The following TGFBR3 variants were observed in gnomAD, a reference collection of about 807,000 sequenced individuals.
TGFBR3 encodes the protein transforming growth factor beta receptor 3.
Under a neutral mutation model 87.9 loss-of-function variants are expected in TGFBR3, and 46 were observed. The ratio of observed to expected loss-of-function variants is 0.52; its 90% CI spans 0.41 to 0.67. The LOEUF is 0.67. Among genes scored for constraint, TGFBR3 ranks in the 30% least tolerant of loss-of-function variants. The probability of loss-of-function intolerance (pLI) is 0.00; values close to 1 mark genes in which losing one functional copy is unlikely to be tolerated. For missense variants in TGFBR3, 866 were observed against 1,041.9 expected (o/e 0.83, Z 2.32); for synonymous variants, 381 against 391.6 (o/e 0.97, Z 0.32).
intron 2 of TGFBR3, among the ~76,000 whole-genome samples, chr1:91,845,988 T>G (rs917834332): frequency 2.6e-5 from 4 of 152,198 alleles, no homozygotes; most frequent in African/African-American, 9.7e-5. Context: ...ATTGTGTTTC[T>G]CTCACAAAAC....
chr1:91,829,374 G>A (rs1676768456), intron 2 of TGFBR3, among the ~76,000 whole-genome samples: 1 of 147,568 alleles, frequency 6.8e-6, no homozygotes, highest in Non-Finnish European at 1.5e-5. Context: ...AGACTCGAAG[G>A]TCTTCAAAAA....
At chr1:91,865,709 G>A (rs554965195) in intron 1 of TGFBR3, among the ~76,000 whole-genome samples, 4 of 151,058 alleles carry the variant, frequency 2.6e-5, no homozygotes, top group Non-Finnish European at 5.9e-5. Flanking sequence ...TCAGGAGATC[G>A]AGACCATCTT....
In TGFBR3 at chr1:91,682,851, T is replaced by C. The variant is rs1670956596; in HGVS notation, c.*888A>G. The C allele has an allele frequency of 2.2e-6, 1 of 453,472 alleles. No individual in the cohort carries two copies. The highest frequency in any genetic ancestry group is 2.0e-5 in the African/African-American group (1 of 50,004). 28.1% of individuals were successfully genotyped at this position (453,472 alleles called of 1,614,324 possible). A position where few individuals can be genotyped will look rare whatever the true frequency, so the allele number is the denominator to read the frequency against. On this transcript the variant is annotated 3_prime_UTR_variant, in exon 17 of 17. Coordinates refer to ENST00000212355, the MANE Select transcript of TGFBR3 (RefSeq NM_003243.5). The stretch of plus-strand genomic sequence containing the variant: ...GACATATTATATACTTGTACTTGCA[T>C]ACACATAGAAATATATCACTGTGCA...
intron 1 of TGFBR3, among the ~76,000 whole-genome samples, chr1:91,904,855 C>T (rs912000663): frequency 5.9e-5 from 9 of 152,170 alleles, no homozygotes; most frequent in Middle Eastern, 3.4e-3. Context: ...CATGAGCCAC[C>T]GCGCCCGGCC....
chr1:91,690,571 T>C (rs1034236874), intron 16 of TGFBR3, among the ~76,000 whole-genome samples: 1 of 152,100 alleles, frequency 6.6e-6, no homozygotes, highest in Non-Finnish European at 1.5e-5. Flanking sequence ...TCCTGCAGAA[T>C]TTGCCATGCG....
At chr1:91,869,538 C>T (rs1571589459) in intron 1 of TGFBR3, among the ~76,000 whole-genome samples, 1 of 152,286 alleles carries the variant, frequency 6.6e-6, no homozygotes, top group East Asian at 1.9e-4. Flanking sequence ...GTGGCACATG[C>T]CTGTAATCTC....
At chr1:91,848,297 G>A (rs988820781) in intron 2 of TGFBR3, among the ~76,000 whole-genome samples, 2 of 152,158 alleles carry the variant, frequency 1.3e-5, no homozygotes, top group African/African-American at 2.4e-5. Flanking sequence ...AGCATCTTAT[G>A]AGCCTGTTAA....
rs1156990479 is a variant in TGFBR3, at chr1:91,683,525, G to A, written c.*214C>T. 1 of 695,240 alleles carries A rather than the reference G, an allele frequency of 1.4e-6. No individual in the cohort carries two copies. Among genetic ancestry groups the A allele is most frequent in the Non-Finnish European group, 2.6e-6 (1 of 381,986 alleles). The allele number at this position is 695,240 out of a possible 1,614,324, so 43.1% of individuals were successfully genotyped here. Reference sequence around the variant, plus strand: ...TTAGCTTTCTCACATGAATTCTAGTGTGGTACAGAAGCCCAGGGTCATGTT... The same window carrying A: ...TTAGCTTTCTCACATGAATTCTAGTATGGTACAGAAGCCCAGGGTCATGTT... On this transcript the variant is annotated 3_prime_UTR_variant, in exon 17 of 17. Coordinates refer to ENST00000212355, the MANE Select transcript of TGFBR3 (RefSeq NM_003243.5).
intron 5 of TGFBR3, among the ~76,000 whole-genome samples, chr1:91,731,058 C>G (rs1034654915): frequency 6.6e-6 from 1 of 152,228 alleles, no homozygotes. Flanking sequence ...GGCAGTGTGA[C>G]AGCTGGGACC....
chr1:91,701,494 G>C (rs1671619339), intron 14 of TGFBR3, among the ~76,000 whole-genome samples: 1 of 152,100 alleles, frequency 6.6e-6, no homozygotes, highest in African/African-American at 2.4e-5. Flanking sequence ...GCTGTAAAGA[G>C]AACTGTAACA....
intron 2 of TGFBR3, among the ~76,000 whole-genome samples, chr1:91,810,897 A>G (rs1314838168): frequency 6.6e-6 from 1 of 152,244 alleles, no homozygotes; most frequent in Admixed American, 6.5e-5. Context: ...GCAAAAGAGA[A>G]ACTTCATCAA....
intron 3 of TGFBR3, among the ~76,000 whole-genome samples, chr1:91,776,391 C>T (rs896597458): frequency 6.6e-6 from 1 of 152,192 alleles, no homozygotes; most frequent in South Asian, 2.1e-4. Flanking sequence ...GGAAAGCCCA[C>T]CTTGCCCAGA....
chr1:91,761,588 G>A (rs1673964624), intron 3 of TGFBR3, among the ~76,000 whole-genome samples: 1 of 152,132 alleles, frequency 6.6e-6, no homozygotes, highest in Admixed American at 6.5e-5. Flanking sequence ...TCAGCAACCT[G>A]TCTTTTCTAT....
chr1:91,690,916 T>C (rs1298317061), intron 16 of TGFBR3, among the ~76,000 whole-genome samples: 2 of 152,170 alleles, frequency 1.3e-5, no homozygotes, highest in Non-Finnish European at 2.9e-5. Flanking sequence ...ATTCTTTTTT[T>C]TTCCTCATTC....
intron 4 of TGFBR3, among the ~76,000 whole-genome samples, chr1:91,751,665 TA>T (rs1167306131): frequency 2.0e-5 from 3 of 152,036 alleles, no homozygotes; most frequent in African/African-American, 7.3e-5. Context: ...AGGAATAAAC[TA>T]GATGTTGGCA....
In TGFBR3 at chr1:91,712,262, T is replaced by C. The variant is rs764750656; in HGVS notation, c.2147A>G (p.His716Arg). Residue 716 changes from histidine to arginine, a missense_variant, in exon 13 of 17, where the codon CAC becomes CGC. By Grantham distance (29) the His-to-Arg change is conservative. Transcript: ENST00000212355. The part of the protein sequence containing the change: ...ELTLCTKMEK[H>R]PQKLPKCVPP... ...ACAAACCTTAGGCAACTTCTGGGGGTGCTTCTCCATCTTCGTACACAGCGT... is the reference window on the plus strand; with the variant it reads ...ACAAACCTTAGGCAACTTCTGGGGGCGCTTCTCCATCTTCGTACACAGCGT... The C allele has an allele frequency of 6.2e-7, 1 of 1,614,024 alleles. No homozygotes were observed. The highest frequency in any genetic ancestry group is 1.1e-5 in the South Asian group (1 of 91,082).
intron 2 of TGFBR3, among the ~76,000 whole-genome samples, chr1:91,835,684 C>T (rs569683115): frequency 5.9e-5 from 9 of 151,858 alleles, no homozygotes; most frequent in South Asian, 2.1e-4. Flanking sequence ...AAAAATTAGC[C>T]GGGCGTGGTG....
intron 1 of TGFBR3, among the ~76,000 whole-genome samples, chr1:91,877,786 T>A (rs1678860862): frequency 6.6e-6 from 1 of 152,160 alleles, no homozygotes; most frequent in Non-Finnish European, 1.5e-5. Context: ...AAGACAAGTG[T>A]CTTTACAAAA....
At chr1:91,789,190 C>T (rs112222900) in intron 3 of TGFBR3, among the ~76,000 whole-genome samples, 348 of 152,248 alleles carry the variant, frequency 2.3e-3, no homozygotes, top group African/African-American at 8.0e-3. Context: ...GCCTGTAGTC[C>T]CAGCTACTCA....
Sources: allele counts gnomAD v4.1 joint callset (sites outside exome capture counted in the v4.1 genomes callset), GRCh38; gene constraint gnomAD v4.1.1; transcripts MANE v1.5; gene names NCBI Gene and HGNC (gene_info 2026-07-23, HGNC 2026-07-21).